Variants in NEK11 observed in about 807,000 individuals in gnomAD.
NEK11 encodes NIMA related kinase 11.
A neutral mutation model predicts 80.7 loss-of-function variants in NEK11; 72 were observed. The observed-to-expected ratio is 0.89, with a 90% CI of 0.74 to 1.08. The LOEUF (loss-of-function observed/expected upper bound fraction) is 1.08. Ranked by LOEUF, NEK11 falls within the 50% of genes least tolerant of loss-of-function variation. The pLI is 0.00. For missense variants in NEK11, 764 were observed against 763.6 expected (o/e 1.00, Z -0.01); for synonymous variants, 251 against 260.7 (o/e 0.96, Z 0.36).
chr3:131,231,902 C>T (rs1008645933), intron 15 of NEK11, among the ~76,000 whole-genome samples: 2 of 152,080 alleles, frequency 1.3e-5, no homozygotes, highest in African/African-American at 4.8e-5. Flanking sequence ...GATTCCCCTT[C>T]CTTTAGATGG....
At chr3:131,232,015 G>A (rs988811505) in intron 15 of NEK11, among the ~76,000 whole-genome samples, 1 of 152,280 alleles carries the variant, frequency 6.6e-6, no homozygotes, top group Non-Finnish European at 1.5e-5. Flanking sequence ...TGCCACCCAT[G>A]ACAATCTTTT....
intron 9 of NEK11, among the ~76,000 whole-genome samples, chr3:131,153,580 T>A (rs1165169556): frequency 1.3e-5 from 2 of 152,166 alleles, no homozygotes; most frequent in Non-Finnish European, 2.9e-5. Flanking sequence ...TATGCGTAAC[T>A]TTAAGAGGAA....
At chr3:131,294,052 G>T (rs1029151943) in intron 17 of NEK11, among the ~76,000 whole-genome samples, 15 of 151,752 alleles carry the variant, frequency 9.9e-5, no homozygotes, top group African/African-American at 2.4e-5. Context: ...TTTCTGTATT[G>T]ATTTCCCATT....
chr3:131,261,553 A>G (rs1189785169), intron 16 of NEK11, among the ~76,000 whole-genome samples: 1 of 152,184 alleles, frequency 6.6e-6, no homozygotes, highest in Admixed American at 6.6e-5. Context: ...GAAGGCCTTC[A>G]GTCTAATGAA....
At chr3:131,100,517 C>T (rs1425539015) in intron 4 of NEK11, among the ~76,000 whole-genome samples, 1 of 152,170 alleles carries the variant, frequency 6.6e-6, no homozygotes, top group East Asian at 1.9e-4. Context: ...TTGCAATGAG[C>T]TGAGATCATG....
At chr3:131,177,696 C>T (rs923765755) in intron 14 of NEK11, among the ~76,000 whole-genome samples, 4 of 152,060 alleles carry the variant, frequency 2.6e-5, no homozygotes, top group Non-Finnish European at 5.9e-5. Context: ...GTTGCCCTAG[C>T]GTAGGTTGAA....
At chr3:131,320,906 T>C (rs753019101) in intron 17 of NEK11, among the ~76,000 whole-genome samples, 3 of 152,148 alleles carry the variant, frequency 2.0e-5, no homozygotes, top group Non-Finnish European at 4.4e-5. Context: ...ATCAATATTG[T>C]TAAAATGGCA....
chr3:131,099,372 C>T (rs2078001409), intron 4 of NEK11, among the ~76,000 whole-genome samples: 1 of 152,136 alleles, frequency 6.6e-6, no homozygotes, highest in Admixed American at 6.6e-5. Context: ...TTACGATAGC[C>T]TTATAATACA....
At chr3:131,066,663 A>G (rs1410777101) in intron 3 of NEK11, among the ~76,000 whole-genome samples, 3 of 151,870 alleles carry the variant, frequency 2.0e-5, no homozygotes, top group Non-Finnish European at 2.9e-5. Context: ...GTGAAACCCC[A>G]TATCTACTAA....
rs1181706774 is a variant in NEK11, at chr3:131,162,469, A to G, written c.1024A>G (p.Arg342Gly). Reference protein sequence around the residue: ...ALSEVQKMTPRERMRLRKLQA... With the variant: ...ALSEVQKMTPGERMRLRKLQA... ...GTCAGAAGTACAGAAAATGACGCCA[A>G]GAGAAAGGATGCGGCTGAGGAAGCT... Residue 342 changes from arginine (R) to glycine (G), a missense_variant, in exon 11 of 18, where the codon AGA (arginine) becomes GGA (glycine). Transcript: ENST00000383366. 1.2e-5 allele frequency: 19 copies of G among 1,614,054 alleles called. No homozygotes were observed. Among genetic ancestry groups the G allele is most frequent in the Middle Eastern group, 1.6e-4 (1 of 6,084 alleles).
At chr3:131,059,524 T>C (rs2070397585) in intron 3 of NEK11, among the ~76,000 whole-genome samples, 1 of 152,212 alleles carries the variant, frequency 6.6e-6, no homozygotes, top group Non-Finnish European at 1.5e-5. Context: ...AGGCACACCA[T>C]TCATTGATGC....
rs141382860 is a variant in NEK11, at chr3:131,183,532, G to A, written c.1399+12645G>A. Among the ~76,000 whole-genome samples the A allele has an allele frequency of 7.4e-3, 1,134 of 152,244 alleles. 5 individuals carry two copies. The highest frequency in any genetic ancestry group is 0.011 in the Non-Finnish European group (778 of 68,018). The stretch of plus-strand genomic sequence containing the variant: ...CTCCAGCTTATAAGTGAGAACATGT[G>A]GTGTTTGGTTTTCTGTTCCTGTGTT... On this transcript the variant is annotated intron_variant, in intron 14 of 17. Transcript: ENST00000383366.
At chr3:131,154,948 C>G in intron 9 of NEK11, 88 bp from the exon 10 acceptor site, 2 of 800,468 alleles carry the variant, frequency 2.5e-6, no homozygotes, top group South Asian at 3.3e-5. Context: ...CAAAAGCACC[C>G]CAAATCTGAA....
intron 17 of NEK11, among the ~76,000 whole-genome samples, chr3:131,306,535 T>C (rs1180880327): frequency 2.6e-5 from 4 of 152,230 alleles, no homozygotes; most frequent in Non-Finnish European, 5.9e-5. Context: ...CTAGAGCTGG[T>C]TATTTTTCTT....
At chr3:131,076,684 C>G (rs914140058) in intron 3 of NEK11, among the ~76,000 whole-genome samples, 1 of 152,192 alleles carries the variant, frequency 6.6e-6, no homozygotes, top group Non-Finnish European at 1.5e-5. Context: ...CTAATCACAT[C>G]AGGGTCACAG....
At chr3:131,319,948 G>A (rs948207754) in intron 17 of NEK11, among the ~76,000 whole-genome samples, 3 of 151,766 alleles carry the variant, frequency 2.0e-5, no homozygotes, top group African/African-American at 7.3e-5. Flanking sequence ...TTCTTGTCAA[G>A]AAATTCTAAA....
chr3:131,101,256 T>C (rs1578264520), intron 4 of NEK11, among the ~76,000 whole-genome samples: 2 of 152,184 alleles, frequency 1.3e-5, no homozygotes, highest in East Asian at 1.9e-4. Flanking sequence ...TTTCAGTTAT[T>C]GTTTTTCTTC....
chr3:131,051,505 T>C (rs2110028394), intron 3 of NEK11, among the ~76,000 whole-genome samples: 1 of 152,302 alleles, frequency 6.6e-6, no homozygotes, highest in Non-Finnish European at 1.5e-5. Context: ...TGTATTGATG[T>C]TGGTTTACCA....
At chr3:131,170,197 C>T (rs2092589867) in intron 13 of NEK11, among the ~76,000 whole-genome samples, 1 of 152,092 alleles carries the variant, frequency 6.6e-6, no homozygotes, top group African/African-American at 2.4e-5. Context: ...ACACACAAAA[C>T]TAAGGGAAAA....
Sources: allele counts gnomAD v4.1 joint callset (sites outside exome capture counted in the v4.1 genomes callset), GRCh38; gene constraint gnomAD v4.1.1; transcripts MANE v1.5; gene names NCBI Gene and HGNC (gene_info 2026-07-23, HGNC 2026-07-21).